The following GPHN variants were observed in gnomAD, a reference collection of about 807,000 sequenced individuals.
GPHN encodes the protein gephyrin.
In GPHN, 17 loss-of-function variants were observed where a neutral mutation model predicts 95.5. That is an observed-to-expected ratio of 0.18 (90% CI 0.12 to 0.27). GPHN has a LOEUF of 0.27. Among genes scored for constraint, GPHN ranks in the 10% least tolerant of loss-of-function variants. The probability of loss-of-function intolerance (pLI) is 1.00; values close to 1 mark genes in which losing one functional copy is unlikely to be tolerated. For missense variants in GPHN, 660 were observed against 978.1 expected (o/e 0.67, Z 4.34); for synonymous variants, 320 against 322.5 (o/e 0.99, Z 0.08).
chr14:67,280,146 T>C, the GPHN span, among the ~76,000 whole-genome samples: 14 of 152,234 alleles, frequency 9.2e-5, no homozygotes, highest in African/African-American at 3.4e-4. Context: ...ATAAGTTAAA[T>C]AGCTTCTTAT....
At chr14:66,995,142 C>T (rs1368657341) in intron 9 of GPHN, among the ~76,000 whole-genome samples, 1 of 152,160 alleles carries the variant, frequency 6.6e-6, no homozygotes, top group Non-Finnish European at 1.5e-5. Context: ...TACTTAACAA[C>T]TTCATCTTAC....
chr14:66,893,184 C>T (rs2064617689), intron 5 of GPHN, among the ~76,000 whole-genome samples: 1 of 152,168 alleles, frequency 6.6e-6, no homozygotes, highest in African/African-American at 2.4e-5. Context: ...TTTGTTATAA[C>T]TCATAAAATA....
At chr14:67,619,700 C>T in the GPHN span, 3 of 345,544 alleles carry the variant, frequency 8.7e-6, no homozygotes, top group Middle Eastern at 7.7e-4. Context: ...CTTCTGGCGT[C>T]AGCGGCAGGG....
the GPHN span, among the ~76,000 whole-genome samples, chr14:67,629,686 C>A: frequency 6.6e-6 from 1 of 152,142 alleles, no homozygotes; most frequent in Non-Finnish European, 1.5e-5. Flanking sequence ...ACCCAGATTT[C>A]TTTTTTAATA....
chr14:66,858,400 T>G (rs2153519849), intron 4 of GPHN, among the ~76,000 whole-genome samples: 1 of 151,812 alleles, frequency 6.6e-6, no homozygotes, highest in African/African-American at 2.4e-5. Flanking sequence ...GGACAACATT[T>G]CTAAACACAC....
At chr14:67,538,153 C>T in the GPHN span, among the ~76,000 whole-genome samples, 1 of 152,042 alleles carries the variant, frequency 6.6e-6, no homozygotes, top group Admixed American at 6.5e-5. Context: ...TTCCAGCTCA[C>T]TTCCCCTCTC....
At chr14:66,895,372 C>T (rs534851251) in intron 5 of GPHN, among the ~76,000 whole-genome samples, 75 of 151,982 alleles carry the variant, frequency 4.9e-4, no homozygotes, top group African/African-American at 1.6e-3. Context: ...ATGCGGGGAG[C>T]GGGGAGGGAA....
chr14:66,570,021 A>G (rs2060617412), intron 1 of GPHN, among the ~76,000 whole-genome samples: 1 of 147,644 alleles, frequency 6.8e-6, no homozygotes, highest in Admixed American at 6.8e-5. Context: ...TAGATTTCCC[A>G]TGAGTGAAAT....
chr14:67,659,618 G>T, the GPHN span: 6 of 1,090,348 alleles, frequency 5.5e-6, no homozygotes, highest in Non-Finnish European at 7.5e-6. Flanking sequence ...TGAAAAAAAT[G>T]AAACAAGAGT....
chr14:66,862,677 G>A (rs556665344), intron 4 of GPHN, among the ~76,000 whole-genome samples: 2 of 152,052 alleles, frequency 1.3e-5, no homozygotes, highest in South Asian at 4.2e-4. Context: ...TACAAGGATG[G>A]TTCAACCTAC....
chr14:66,951,682 C>T (rs1240545974), intron 8 of GPHN, among the ~76,000 whole-genome samples: 3 of 152,132 alleles, frequency 2.0e-5, no homozygotes, highest in South Asian at 4.1e-4. Context: ...TATAATGATA[C>T]GATTAAAGTA....
the GPHN span, among the ~76,000 whole-genome samples, chr14:67,207,223 CT>C: frequency 6.6e-6 from 1 of 151,908 alleles, no homozygotes; most frequent in Non-Finnish European, 1.5e-5. Flanking sequence ...GCTCATGGGT[CT>C]GTAGGTGGTA....
At chr14:67,677,372 T>TTTTG in the GPHN span, 16 of 139,158 alleles carry the variant, frequency 1.1e-4, no homozygotes, top group Admixed American at 1.4e-4. Context: ...GATTTTTTTT[T>TTTTG]TTTTTTTTTT....
intron 9 of GPHN, among the ~76,000 whole-genome samples, chr14:66,976,921 G>GGT (rs2070279144): frequency 7.2e-6 from 1 of 138,652 alleles, no homozygotes; most frequent in Admixed American, 7.2e-5. Flanking sequence ...TATGTGGGGG[G>GGT]GGGGGGAGTA....
chr14:67,685,757 A>G, the GPHN span, among the ~76,000 whole-genome samples: 90 of 152,028 alleles, frequency 5.9e-4, no homozygotes, highest in Non-Finnish European at 1.1e-3. Flanking sequence ...CTGGGACTAC[A>G]GGGGTGCGCC....
At chr14:66,869,889 A>G (rs1198502621) in intron 4 of GPHN, among the ~76,000 whole-genome samples, 2 of 152,228 alleles carry the variant, frequency 1.3e-5, no homozygotes, top group African/African-American at 4.8e-5. Context: ...TCACATAGCA[A>G]AACTACATAG....
At chr14:67,255,664 A>C in the GPHN span, among the ~76,000 whole-genome samples, 1 of 152,092 alleles carries the variant, frequency 6.6e-6, no homozygotes, top group Admixed American at 6.6e-5. Context: ...AGAACGCTTG[A>C]AAGAGTTTTG....
chr14:66,575,464 A>G (rs2060864864), intron 1 of GPHN, among the ~76,000 whole-genome samples: 1 of 152,234 alleles, frequency 6.6e-6, no homozygotes, highest in African/African-American at 2.4e-5. Flanking sequence ...AGAGTCATTT[A>G]GTAGTACATT....
chr14:66,752,364 C>T (rs1394325458), intron 2 of GPHN, among the ~76,000 whole-genome samples: 2 of 152,068 alleles, frequency 1.3e-5, no homozygotes, highest in African/African-American at 4.8e-5. Context: ...TCTTCTCTAG[C>T]TTATTCATTT....
Sources: allele counts gnomAD v4.1 joint callset (sites outside exome capture counted in the v4.1 genomes callset), GRCh38; gene constraint gnomAD v4.1.1; transcripts MANE v1.5; gene names NCBI Gene and HGNC (gene_info 2026-07-23, HGNC 2026-07-21).